CYFIP1: variants seen among roughly 807,000 people sequenced by gnomAD.
CYFIP1 encodes cytoplasmic FMR1-interacting protein 1.
CYFIP1 carries 58 observed loss-of-function variants against 163.5 expected under a neutral mutation model. The observed-to-expected ratio is 0.35, with a 90% CI of 0.29 to 0.44. The LOEUF is 0.44. Among genes scored for constraint, CYFIP1 ranks in the 20% least tolerant of loss-of-function variants. The pLI, the probability that CYFIP1 is intolerant of heterozygous loss-of-function variation, is 1.00. For synonymous variants in CYFIP1, 663 were observed against 660.7 expected (o/e 1.00, Z -0.05); for missense variants, 1,338 against 1,653.8 (o/e 0.81, Z 3.31).
At chr15:22,908,915 G>A (rs990985377) in intron 21 of CYFIP1, among the ~76,000 whole-genome samples, 2 of 152,278 alleles carry the variant, frequency 1.3e-5, no homozygotes, top group Non-Finnish European at 2.9e-5. Flanking sequence ...CATAGTTGGC[G>A]ATTTTTTCAA....
In CYFIP1 at chr15:22,874,556, G is replaced by A. The variant is rs1328173028; in HGVS notation, c.3204C>T (p.Thr1068=). 1.9e-6 allele frequency: 3 copies of A among 1,596,850 alleles called. No individual in the cohort carries two copies. Among genetic ancestry groups the A allele is most frequent in the Non-Finnish European group, 2.6e-6 (3 of 1,173,700 alleles). The change falls in exon 28 of 31, where the codon ACC becomes ACT. Residue 1068 remains threonine, a synonymous_variant. Coordinates refer to ENST00000617928, the MANE Select transcript of CYFIP1 (RefSeq NM_014608.6). ...CCATCACGGTACACGTTACCTGAGG[G>A]GTCCCCAGTCTTTCAATCAGTGGGA... ...HLVPLIERLG[T]PQQIAIAREG... is the part of the protein sequence containing the mutation.
rs1566969991 is a variant in CYFIP1 at position 22,917,688 on chromosome 15, A to T, written c.1674+100T>A. 7.3e-7 allele frequency: 1 copy of T among 1,369,790 alleles called. No individual in the cohort carries two copies. Among genetic ancestry groups the T allele is most frequent in the East Asian group, 2.7e-5 (1 of 37,638 alleles). 84.9% of individuals were successfully genotyped at this position (1,369,790 alleles called of 1,614,324 possible). On this transcript the variant is annotated intron_variant, in intron 15 of 30. Transcript: ENST00000617928. This position sits in a 1 kb window ranked among gnomAD's most constrained non-coding sequence, Gnocchi z 4.2. ...ACTTTCTCTGCCTGAGCAGGCAGCG[A>T]GGACCTCATTTAACCCGGGCCTCAC...
At chr15:22,899,611 G>A (rs2060335146) in intron 22 of CYFIP1, among the ~76,000 whole-genome samples, 1 of 152,146 alleles carries the variant, frequency 6.6e-6, no homozygotes, top group Non-Finnish European at 1.5e-5. Context: ...ATGATTGTGA[G>A]GCCTCGCCAG....
At chr15:22,888,383 T>C (rs925518014) in intron 23 of CYFIP1, among the ~76,000 whole-genome samples, 10 of 152,080 alleles carry the variant, frequency 6.6e-5, no homozygotes, top group African/African-American at 2.4e-4. Flanking sequence ...TCTTCTTGAG[T>C]GGGTGGTGGT....
chr15:22,979,810 G>C (rs561398536), intron 1 of CYFIP1, among the ~76,000 whole-genome samples: 2 of 152,104 alleles, frequency 1.3e-5, no homozygotes, highest in Non-Finnish European at 2.9e-5. Flanking sequence ...TCCTCACAGG[G>C]GCACGAAACA....
intron 8 of CYFIP1, among the ~76,000 whole-genome samples, chr15:22,938,923 TAAAAAAAAAAAAA>T (rs56169420): frequency 1.3e-5 from 1 of 74,380 alleles, no homozygotes; most frequent in Non-Finnish European, 2.6e-5. Context: ...AAAAGCAGCT[TAAAAAAAAAAAAA>T]AAAAAAAAAA....
At chr15:22,915,854 G>A (rs2060958282) in intron 16 of CYFIP1, among the ~76,000 whole-genome samples, 1 of 152,116 alleles carries the variant, frequency 6.6e-6, no homozygotes, top group African/African-American at 2.4e-5. Context: ...TCTGTCTAAC[G>A]CAAAAATGAG....
chr15:22,877,065 G>A (rs1319973066), intron 26 of CYFIP1, among the ~76,000 whole-genome samples: 2 of 152,134 alleles, frequency 1.3e-5, no homozygotes, highest in Admixed American at 6.5e-5. Flanking sequence ...GTTTGGATGT[G>A]GTTTGTCCCT....
In CYFIP1 at chr15:22,887,000, C is replaced by T. The variant is rs62008565; in HGVS notation, c.2677-3989G>A. ...ACATCTAGCATTGCTATGTTTTCTT[C>T]GTGGTGGTTTGACTTATTATTATGT... On this transcript the variant is annotated intron_variant, in intron 23 of 30. Coordinates refer to ENST00000617928, the MANE Select transcript of CYFIP1 (RefSeq NM_014608.6). Among the ~76,000 whole-genome samples the T allele has an allele frequency of 4.7e-3, 719 of 152,236 alleles. 4 individuals carry two copies. The highest frequency in any genetic ancestry group is 6.8e-3 in the Non-Finnish European group (460 of 68,020).
Position 22,951,530 on chromosome 15 carries a change from C to A in CYFIP1, c.-6-4239G>T, listed in dbSNP as rs753320695. The A allele has an allele frequency of 4.7e-6, 6 of 1,287,694 alleles. No individual in the cohort carries two copies. In the Admixed American group the frequency reaches 1.1e-4, roughly 25 times the overall value. 79.8% of individuals were successfully genotyped at this position (1,287,694 alleles called of 1,614,324 possible). On this transcript the variant is annotated intron_variant, in intron 1 of 30. Coordinates refer to ENST00000617928, the MANE Select transcript of CYFIP1 (RefSeq NM_014608.6). ...GTGCTTCGGCCCCATAGGGGCTGCC[C>A]GTGTCCTGCGACTCCAGCCCAGAGT...
At chr15:22,943,399 G>T in intron 5 of CYFIP1, 45 bp from the exon 6 acceptor site, 1 of 1,590,164 alleles carries the variant, frequency 6.3e-7, no homozygotes, top group Non-Finnish European at 8.6e-7. Flanking sequence ...GGTCAGTGAG[G>T]AGCCAAGCCC....
chr15:22,912,027 T>C (rs2060802380), intron 18 of CYFIP1, 152 bp downstream of exon 18: 1 of 651,276 alleles, frequency 1.5e-6, no homozygotes, highest in Admixed American at 3.1e-5. Flanking sequence ...CGTGGAAGCA[T>C]ATCCACAGAG....
At chr15:22,874,432 G>T in intron 28 of CYFIP1, 118 bp downstream of exon 28, 2 of 671,720 alleles carry the variant, frequency 3.0e-6, no homozygotes, top group Non-Finnish European at 4.9e-6. Context: ...CTTGAGGCCT[G>T]AGCAGCCACG....
In CYFIP1 at chr15:22,879,929, A is replaced by G. The variant is rs1245461642; in HGVS notation, c.3026T>C (p.Leu1009Pro). 1 of 1,612,452 alleles carries G rather than the reference A, an allele frequency of 6.2e-7. No homozygotes were observed. ...EVGNAILFCLLIEQSLSLEEV... is the reference protein window; with the variant it reads ...EVGNAILFCLPIEQSLSLEEV... ...GCCACTCACCAGGCTCTGCTCGATG[A>G]GCAGGCAGAAGAGGATGGCGTTCCC... is the stretch of plus-strand genomic sequence containing the variant. Residue 1009 changes from leucine (L) to proline (P), a missense_variant, in exon 26 of 31, where the codon CTC becomes CCC. By Grantham distance (98) the Leu-to-Pro change is moderately conservative. Coordinates refer to ENST00000617928, the MANE Select transcript of CYFIP1 (RefSeq NM_014608.6).
chr15:22,873,028 T>C, intron 29 of CYFIP1, 56 bp from the exon 30 acceptor site: 2 of 1,589,680 alleles, frequency 1.3e-6, no homozygotes, highest in Non-Finnish European at 1.7e-6. Flanking sequence ...ATGAAGTCTT[T>C]TCTCAGTCTG....
chr15:22,917,767 C>T lies in CYFIP1; in HGVS notation c.1674+21G>A, dbSNP rs529937438. On this transcript the variant is annotated intron_variant, in intron 15 of 30. Transcript: ENST00000617928. This position sits in a 1 kb window ranked among gnomAD's most constrained non-coding sequence, Gnocchi z 4.2. ...GGTCCCCCCAGGGAGAGGGTGCAGG[C>T]GGGGCTCAAGGGACGAGAACCTGAG... The T allele has an allele frequency of 6.3e-6, 10 of 1,580,978 alleles. No homozygotes were observed. Among genetic ancestry groups the T allele is most frequent in the Middle Eastern group, 3.8e-4 (2 of 5,328 alleles).
chr15:22,920,384 C>T (rs1446882494), intron 13 of CYFIP1, among the ~76,000 whole-genome samples: 1 of 152,068 alleles, frequency 6.6e-6, no homozygotes, highest in Non-Finnish European at 1.5e-5. Context: ...TTAGCAAGAA[C>T]ACAAATGTGT....
At chr15:22,913,918 G>A (rs2060881241) in intron 17 of CYFIP1, among the ~76,000 whole-genome samples, 1 of 152,232 alleles carries the variant, frequency 6.6e-6, no homozygotes, top group African/African-American at 2.4e-5. Flanking sequence ...CAAGGGATGT[G>A]TGAGGACTGA....
intron 13 of CYFIP1, among the ~76,000 whole-genome samples, chr15:22,921,414 G>T (rs201262928): frequency 6.7e-5 from 10 of 148,646 alleles, no homozygotes; most frequent in Admixed American, 3.3e-4. Flanking sequence ...ATGTAACAAT[G>T]AAACAGAAAA....
Sources: allele counts gnomAD v4.1 joint callset (sites outside exome capture counted in the v4.1 genomes callset), GRCh38; gene constraint gnomAD v4.1.1; non-coding constraint Gnocchi (gnomAD v3.1); transcripts MANE v1.5; gene names NCBI Gene and HGNC (gene_info 2026-07-23, HGNC 2026-07-21).